PNO1: variants seen among roughly 807,000 people sequenced by gnomAD.
The protein encoded by PNO1 is RNA-binding protein PNO1.
A neutral mutation model predicts 28.4 loss-of-function variants in PNO1; 16 were observed. That is an observed-to-expected ratio of 0.56 (90% CI 0.38 to 0.85). PNO1 has a LOEUF of 0.85. Ranked by LOEUF, PNO1 falls within the 40% of genes least tolerant of loss-of-function variation. The probability of loss-of-function intolerance (pLI) is 0.00; values close to 1 mark genes in which losing one functional copy is unlikely to be tolerated. For missense variants in PNO1, 304 were observed against 312.2 expected, an observed-to-expected ratio of 0.97 and a Z score of 0.20; for synonymous variants, 115 against 110.8, an observed-to-expected ratio of 1.04 and a Z score of -0.24.
In PNO1 at chr2:68,158,012, G is replaced by A; in HGVS notation, c.78G>A (p.Arg26=). The change falls in exon 1 of 7, where the codon CGG becomes CGA. Residue 26 remains arginine (R), a synonymous_variant. Transcript: ENST00000263657. ...FTQVTRKGGR[R]AKKRQAEQLS... The stretch of plus-strand genomic sequence containing the variant: ...AGGTCACCCGCAAGGGTGGCCGACG[G>A]GCGAAGAAACGACAGGCTGAACAGC... 1.9e-6 allele frequency: 3 copies of A among 1,614,198 alleles called. No individual in the cohort carries two copies. Among genetic ancestry groups the A allele is most frequent in the Non-Finnish European group, 8.5e-7 (1 of 1,180,038 alleles).
rs372598559 is a variant in PNO1 at position 68,157,970 on chromosome 2, A to G, written c.36A>G (p.Ala12=). ...ESEMETQSAR[A]EEGFTQVTRK... Reference sequence around the variant, plus strand: ...AAATGGAAACGCAGAGCGCCAGGGCAGAGGAGGGCTTTACCCAGGTCACCC... The same window carrying G: ...AAATGGAAACGCAGAGCGCCAGGGCGGAGGAGGGCTTTACCCAGGTCACCC... The change falls in exon 1 of 7, where the codon GCA becomes GCG. Residue 12 remains alanine (A), a synonymous_variant. Coordinates refer to ENST00000263657, the MANE Select transcript of PNO1 (RefSeq NM_020143.4). 4.3e-6 allele frequency: 7 copies of G among 1,613,982 alleles called. No individual in the cohort carries two copies. The African/African-American group carries it at 8.0e-5, about 18-fold the overall frequency.
rs754602043 is a variant in PNO1, at chr2:68,158,088, G to C, written c.154G>C (p.Ala52Pro). The C allele has an allele frequency of 1.7e-5, 28 of 1,612,570 alleles. No individual in the cohort carries two copies. Among genetic ancestry groups the C allele is most frequent in the Non-Finnish European group, 2.0e-5 (24 of 1,179,446 alleles). Residue 52 changes from alanine (A) to proline (P), a missense_variant, in exon 1 of 7, where the codon GCC becomes CCC. Coordinates refer to ENST00000263657, the MANE Select transcript of PNO1 (RefSeq NM_020143.4). ...GDAGRMDTEE[A>P]RPAKRPVFPP... The stretch of plus-strand genomic sequence containing the variant: ...TGCGGGCCGCATGGACACAGAGGAG[G>C]CCAGGCCGGCGAAGAGGCCCGTCTT...
intron 5 of PNO1, among the ~76,000 whole-genome samples, chr2:68,163,279 C>T (rs1673884123): frequency 6.6e-6 from 1 of 152,180 alleles, no homozygotes; most frequent in Non-Finnish European, 1.5e-5. Context: ...CGCCTGCAAT[C>T]CCAGCACTTT....
At chr2:68,169,751 C>T (rs1558621383) in intron 5 of PNO1, among the ~76,000 whole-genome samples, 2 of 152,142 alleles carry the variant, frequency 1.3e-5, no homozygotes, top group Admixed American at 6.5e-5. Flanking sequence ...ACAGTTTATG[C>T]ATTCATGACG....
In PNO1 at chr2:68,162,274, G is replaced by T. The variant is rs1183233290; in HGVS notation, c.451G>T (p.Ala151Ser). Residue 151 changes from alanine to serine, a missense_variant, in exon 4 of 7, where the codon GCC becomes TCC. Ala to Ser is a moderately conservative substitution (Grantham distance 99, BLOSUM62 1). Coordinates refer to ENST00000263657, the MANE Select transcript of PNO1 (RefSeq NM_020143.4). The stretch of plus-strand genomic sequence containing the variant: ...TGTTTTTATATTATAGGATGCACTT[G>T]CCCTCATCAGGTTGGATGACCTCTT... ...ILGFQVEDAL[A>S]LIRLDDLFLE... 6.2e-7 allele frequency: 1 copy of T among 1,611,744 alleles called. No individual in the cohort carries two copies. Among genetic ancestry groups the T allele is most frequent in the Non-Finnish European group, 8.5e-7 (1 of 1,178,008 alleles).
Position 68,161,734 on chromosome 2 carries a change from G to A in PNO1, c.409G>A (p.Val137Met). The change falls in exon 3 of 7, where the codon GTG becomes ATG. Residue 137 changes from valine (V) to methionine (M), a missense_variant. Val to Met is a conservative substitution (Grantham distance 21, BLOSUM62 1). Coordinates refer to ENST00000263657, the MANE Select transcript of PNO1 (RefSeq NM_020143.4). ...VSALTKAADFVKAFILGFQVE... is the reference protein window; with the variant it reads ...VSALTKAADFMKAFILGFQVE... ...TGCTCTGACAAAAGCAGCTGATTTT[G>A]TGAAAGCTTTTATTCTCGGCTTTCA... is the stretch of plus-strand genomic sequence containing the variant. 6.2e-7 allele frequency: 1 copy of A among 1,613,160 alleles called. No individual in the cohort carries two copies. The highest frequency in any genetic ancestry group is 1.3e-5 in the African/African-American group (1 of 74,976).
intron 5 of PNO1, among the ~76,000 whole-genome samples, chr2:68,169,285 A>C (rs1487099633): frequency 6.6e-6 from 1 of 152,050 alleles, no homozygotes; most frequent in East Asian, 1.9e-4. Context: ...GAGCACTCCC[A>C]ACATCACTAG....
intron 3 of PNO1, 141 bp from the exon 4 acceptor site, chr2:68,162,124 G>C (rs752447288): frequency 2.5e-5 from 16 of 628,508 alleles, no homozygotes; most frequent in Non-Finnish European, 2.2e-5. Context: ...GGGCGACAGC[G>C]TAAGACTCTG....
chr2:68,165,907 T>C (rs910160541), intron 5 of PNO1, among the ~76,000 whole-genome samples: 1 of 152,322 alleles, frequency 6.6e-6, no homozygotes, highest in Non-Finnish European at 1.5e-5. Flanking sequence ...AAATGTATAT[T>C]GTAGTCCCAT....
intron 6 of PNO1, among the ~76,000 whole-genome samples, chr2:68,173,771 CG>C (rs1572943832): frequency 6.6e-6 from 1 of 151,620 alleles, no homozygotes; most frequent in Admixed American, 6.6e-5. Flanking sequence ...TTAGTAGAGA[CG>C]GGGTTTCACC....
intron 5 of PNO1, among the ~76,000 whole-genome samples, chr2:68,166,419 G>A (rs1673999679): frequency 6.6e-6 from 1 of 151,966 alleles, no homozygotes; most frequent in South Asian, 2.1e-4. Context: ...AAAATTATAA[G>A]GAAGAGAAAA....
chr2:68,163,419 T>C (rs976632343), intron 5 of PNO1, among the ~76,000 whole-genome samples: 3 of 152,050 alleles, frequency 2.0e-5, no homozygotes, highest in Non-Finnish European at 2.9e-5. Context: ...TAGTCCCACC[T>C]ACTCGGGAGG....
At chr2:68,158,637 T>G (rs1179287702) in intron 2 of PNO1, 108 bp downstream of exon 2, 3 of 1,006,670 alleles carry the variant, frequency 3.0e-6, no homozygotes, top group Non-Finnish European at 4.2e-6. Flanking sequence ...GTATGGTTTT[T>G]GTCCAGTTTA....
rs1424707532 is a variant in PNO1 at position 68,157,889 on chromosome 2, C to T, written c.-46C>T. On this transcript the variant is annotated 5_prime_UTR_variant, in exon 1 of 7. Transcript: ENST00000263657. ...GGCTGAGGCTGGCTTCTGCGTGGTG[C>T]AGCTGCGCACGTGTTTCAGCCGGCA... The T allele has an allele frequency of 3.2e-6, 5 of 1,555,002 alleles. No individual in the cohort carries two copies. The highest frequency in any genetic ancestry group is 4.4e-6 in the Non-Finnish European group (5 of 1,128,588).
At position 68,157,896 on chromosome 2, in the gene PNO1, G is replaced by T. The variant is rs776016657; in HGVS notation, c.-39G>T. On this transcript the variant is annotated 5_prime_UTR_variant, in exon 1 of 7. Transcript: ENST00000263657. ...GCTGGCTTCTGCGTGGTGCAGCTGC[G>T]CACGTGTTTCAGCCGGCAGCGCTTT... 1.3e-5 allele frequency: 20 copies of T among 1,577,990 alleles called. No individual in the cohort carries two copies. The highest frequency in any genetic ancestry group is 2.2e-5 in the East Asian group (1 of 44,710).
rs34874863 is a variant in PNO1, at chr2:68,173,576, A to ATTTT, written c.691+178_691+181dup. Among the ~76,000 whole-genome samples the ATTTT allele has an allele frequency of 3.0e-4, 33 of 111,396 alleles. 1 individual carries two copies. Among genetic ancestry groups the ATTTT allele is most frequent in the African/African-American group, 6.9e-4 (19 of 27,612 alleles). The allele number at this position is 111,396 out of a possible 152,430, so 73.1% of individuals were successfully genotyped here. The stretch of plus-strand genomic sequence containing the variant: ...AGGTGGGCCTAGAGAAGGAAGTAGA[A>ATTTT]TTTTTTTTTTTTTTTTTTTTTTCTG... On this transcript the variant is annotated intron_variant, in intron 6 of 6. Transcript: ENST00000263657.
intron 2 of PNO1, 98 bp downstream of exon 2, chr2:68,158,627 G>A (rs145875023): frequency 4.5e-4 from 505 of 1,112,122 alleles, no homozygotes; most frequent in Non-Finnish European, 5.8e-4. Flanking sequence ...CTTTTCTGTT[G>A]TATGGTTTTT....
Position 68,161,671 on chromosome 2 carries a change from G to C in PNO1, c.358-12G>C. On this transcript the variant is annotated splice_polypyrimidine_tract_variant and intron_variant, in intron 2 of 6. Coordinates refer to ENST00000263657, the MANE Select transcript of PNO1 (RefSeq NM_020143.4). ...TCAACGGTATTTTGTACCCTTTTTT[G>C]TTTTTTAACAGACTTGTAAAGAAAC... The C allele has an allele frequency of 6.4e-7, 1 of 1,556,420 alleles. No homozygotes were observed. The highest frequency in any genetic ancestry group is 8.8e-7 in the Non-Finnish European group (1 of 1,134,662).
At chr2:68,174,293 T>G (rs1048241775) in intron 6 of PNO1, among the ~76,000 whole-genome samples, 16 of 31,068 alleles carry the variant, frequency 5.1e-4, no homozygotes, top group Middle Eastern at 0.013. Flanking sequence ...TTAAGGTTTT[T>G]TTTTTTTTTT....
Sources: gnomAD v4.1 joint callset for allele counts (sites outside exome capture counted in the v4.1 genomes callset) on GRCh38, gnomAD v4.1.1 for gene constraint, MANE v1.5 for transcripts, NCBI Gene and HGNC (gene_info 2026-07-23, HGNC 2026-07-21) for gene names.